LCA5L: variants seen among roughly 807,000 people sequenced by gnomAD.
LCA5L encodes lebercilin LCA5 like.
Under a neutral mutation model 45.4 loss-of-function variants are expected in LCA5L, and 35 were observed. The ratio of observed to expected loss-of-function variants is 0.77; its 90% CI spans 0.59 to 1.02. LCA5L has a LOEUF of 1.02. LCA5L is among the 50% of genes least tolerant of loss of function. The probability of loss-of-function intolerance (pLI) is 0.00; values close to 1 mark genes in which losing one functional copy is unlikely to be tolerated. For missense variants in LCA5L, 668 were observed against 761.6 expected, an observed-to-expected ratio of 0.88 and a Z score of 1.45; for synonymous variants, 233 against 264.7, an observed-to-expected ratio of 0.88 and a Z score of 1.16.
chr21:39,411,528 C>T (rs548350832), intron 8 of LCA5L, among the ~76,000 whole-genome samples, 190 bp downstream of exon 8: 15 of 152,224 alleles, frequency 9.9e-5, no homozygotes, highest in African/African-American at 2.6e-4. Context: ...GATGGGAGAA[C>T]GGGAAAGCAT....
intron 2 of LCA5L, among the ~76,000 whole-genome samples, chr21:39,440,527 C>T (rs1464212414): frequency 1.3e-5 from 2 of 152,038 alleles, no homozygotes; most frequent in African/African-American, 2.4e-5. Flanking sequence ...AAGAGTGAGA[C>T]CCTGTCTCAA....
intron 3 of LCA5L, among the ~76,000 whole-genome samples, chr21:39,433,112 T>G (rs1601928430): frequency 1.3e-5 from 2 of 152,158 alleles, no homozygotes; most frequent in East Asian, 3.8e-4. Flanking sequence ...CAATTATCAA[T>G]TTGTTCTTTG....
At chr21:39,442,488 A>G (rs2076967929) in intron 2 of LCA5L, among the ~76,000 whole-genome samples, 1 of 152,142 alleles carries the variant, frequency 6.6e-6, no homozygotes, top group African/African-American at 2.4e-5. Flanking sequence ...AGAATCGAGA[A>G]AAGCCAGAGG....
chr21:39,410,407 C>T (rs751022169), intron 8 of LCA5L, 40 bp from the exon 9 acceptor site: 2 of 1,013,960 alleles, frequency 2.0e-6, no homozygotes, highest in South Asian at 2.9e-5. Context: ...ACATATTTTA[C>T]ATTTGGATAC....
chr21:39,444,778 A>G (rs9982784), intron 1 of LCA5L: 149,317 of 152,410 alleles, frequency 0.98, 73,169 homozygotes, highest in East Asian at 1. Context: ...CAGGACTCAA[A>G]CAGGATGCAA....
chr21:39,413,746 T>C (rs548399499), intron 7 of LCA5L: 3 of 152,366 alleles, frequency 2.0e-5, no homozygotes, highest in South Asian at 2.1e-4. Context: ...TGAAGGATAC[T>C]GTGTAAAACA....
At chr21:39,437,726 A>G (rs2076421630) in intron 2 of LCA5L, among the ~76,000 whole-genome samples, 1 of 152,178 alleles carries the variant, frequency 6.6e-6, no homozygotes, top group African/African-American at 2.4e-5. Context: ...TGCTGGAATT[A>G]TAGGTGTGCC....
chr21:39,413,670 A>G (rs1277447931), intron 7 of LCA5L, among the ~76,000 whole-genome samples: 1 of 152,268 alleles, frequency 6.6e-6, no homozygotes, highest in Non-Finnish European at 1.5e-5. Context: ...CCAAAAGAAC[A>G]GTAAATGCTG....
rs539567425 is a variant in LCA5L at position 39,433,238 on chromosome 21, T to G, written c.-92+2182A>C. On this transcript the variant is annotated intron_variant, in intron 3 of 10. Transcript: ENST00000288350. The stretch of plus-strand genomic sequence containing the variant: ...TCGTGACCAGCCTGGCCAACAAATT[T>G]AAACCCCATCTCTACCAAAAAATAA... Among the ~76,000 whole-genome samples, 36 of 152,012 alleles carry G rather than the reference T, an allele frequency of 2.4e-4. No individual in the cohort carries two copies. The East Asian group carries it at 7.0e-3, about 30-fold the overall frequency.
intron 4 of LCA5L, among the ~76,000 whole-genome samples, chr21:39,428,727 C>T (rs1015699796): frequency 3.8e-4 from 56 of 147,852 alleles, no homozygotes; most frequent in African/African-American, 1.4e-3. Flanking sequence ...ATCCTCTCAG[C>T]TCAGCCTCTG....
At chr21:39,407,633 A>G (rs1392177827) in intron 10 of LCA5L, among the ~76,000 whole-genome samples, 1 of 152,220 alleles carries the variant, frequency 6.6e-6, no homozygotes, top group African/African-American at 2.4e-5. Flanking sequence ...AGCTGGATCC[A>G]TGTGAACTGA....
chr21:39,424,652 C>T (rs1435772445), intron 5 of LCA5L, among the ~76,000 whole-genome samples: 2 of 152,098 alleles, frequency 1.3e-5, no homozygotes, highest in African/African-American at 4.8e-5. Flanking sequence ...CTTATATATT[C>T]AAAATGACCC....
Position 39,410,257 on chromosome 21 carries a change from G to T in LCA5L, c.1164+7C>A, listed in dbSNP as rs779375230. On this transcript the variant is annotated splice_region_variant and intron_variant, in intron 9 of 10. Transcript: ENST00000288350. ...TCAGACACTGCAAGATTCCAAATTT[G>T]CTGTACCTTAGTTGTCAAAGGTGGA... 6 of 1,563,000 alleles carry T rather than the reference G, an allele frequency of 3.8e-6. No homozygotes were observed. The Admixed American group carries it at 1.0e-4, about 27-fold the overall frequency.
At position 39,423,338 on chromosome 21, in the gene LCA5L, C is replaced by A. The variant is rs184105746; in HGVS notation, c.475G>T (p.Ala159Ser). 6.2e-7 allele frequency: 1 copy of A among 1,613,096 alleles called. No individual in the cohort carries two copies. The highest frequency in any genetic ancestry group is 2.2e-5 in the East Asian group (1 of 44,858). ...HKIKGLKNEL[A>S]DMHHKLEAIL... ...GCTTCCAATTTATGATGCATATCAGCTAATTCATTTTTTAGTCCTTTAATT... is the reference window on the plus strand; with the variant it reads ...GCTTCCAATTTATGATGCATATCAGATAATTCATTTTTTAGTCCTTTAATT... Residue 159 changes from alanine to serine, a missense_variant, in exon 6 of 11, where the codon GCT becomes TCT. Physicochemically the swap from Ala to Ser is moderately conservative, Grantham distance 99 (BLOSUM62 1). Transcript: ENST00000288350.
At chr21:39,420,220 T>C (rs999606520) in intron 7 of LCA5L, among the ~76,000 whole-genome samples, 1 of 152,022 alleles carries the variant, frequency 6.6e-6, no homozygotes, top group Non-Finnish European at 1.5e-5. Flanking sequence ...AGAAAGATAT[T>C]AATGAAGTTA....
At chr21:39,419,581 A>G (rs1264727438) in intron 7 of LCA5L, among the ~76,000 whole-genome samples, 6 of 151,872 alleles carry the variant, frequency 4.0e-5, no homozygotes, top group African/African-American at 1.5e-4. Context: ...TATAGTGCTA[A>G]ATTTCTTATG....
At chr21:39,420,104 TAG>T (rs1308460900) in intron 7 of LCA5L, among the ~76,000 whole-genome samples, 1 of 152,224 alleles carries the variant, frequency 6.6e-6, no homozygotes, top group African/African-American at 2.4e-5. Flanking sequence ...TGTTAATGAA[TAG>T]AGTTTCTATT....
At chr21:39,421,356 G>A (rs1244370804) in intron 6 of LCA5L, among the ~76,000 whole-genome samples, 1 of 152,056 alleles carries the variant, frequency 6.6e-6, no homozygotes, top group African/African-American at 2.4e-5. Context: ...CCAAAGTGCT[G>A]GTATTACGGG....
chr21:39,432,350 G>A (rs2148055696), intron 3 of LCA5L, among the ~76,000 whole-genome samples: 1 of 152,252 alleles, frequency 6.6e-6, no homozygotes, highest in African/African-American at 2.4e-5. Context: ...GGGACCAGAT[G>A]ATAATAACAC....
Sources: gnomAD v4.1 joint callset for allele counts (sites outside exome capture counted in the v4.1 genomes callset) on GRCh38, gnomAD v4.1.1 for gene constraint, MANE v1.5 for transcripts, NCBI Gene and HGNC (gene_info 2026-07-23, HGNC 2026-07-21) for gene names.